Variants in TTPA observed in about 807,000 individuals in gnomAD.
The protein encoded by TTPA is alpha-tocopherol transfer protein.
A neutral mutation model predicts 25.9 loss-of-function variants in TTPA; 23 were observed. That is an observed-to-expected ratio of 0.89 (90% CI 0.64 to 1.26). The LOEUF (loss-of-function observed/expected upper bound fraction) is 1.26. Ranked by LOEUF, TTPA falls within the 50% of genes most tolerant of loss-of-function variation. TTPA has a pLI of 0.00. For missense variants in TTPA, 337 were observed against 353.1 expected (o/e 0.95, Z 0.37); for synonymous variants, 148 against 137.3 (o/e 1.08, Z -0.54).
intron 1 of TTPA, among the ~76,000 whole-genome samples, chr8:63,081,618 C>A (rs1315990170): frequency 6.6e-6 from 1 of 152,158 alleles, no homozygotes; most frequent in Non-Finnish European, 1.5e-5. Context: ...TCCCATTCAA[C>A]ATAGTGTTGG....
chr8:63,063,423 T>C (rs991009384), intron 4 of TTPA, among the ~76,000 whole-genome samples: 3 of 152,176 alleles, frequency 2.0e-5, no homozygotes, highest in African/African-American at 7.2e-5. Context: ...TTAAGTCATA[T>C]ACCTCAGTTA....
At position 63,060,219 on chromosome 8, in the gene TTPA, C is replaced by T. The variant is rs532169711; in HGVS notation, c.*1033G>A. 127 of 152,274 alleles carry T rather than the reference C, an allele frequency of 8.3e-4. 1 individual carries two copies. Among genetic ancestry groups the T allele is most frequent in the African/African-American group, 3.0e-3 (124 of 41,552 alleles). 9.4% of individuals were successfully genotyped at this position (152,274 alleles called of 1,614,324 possible). ...CAAGTAAGTATGATTCCATCCCTTT[C>T]CGTGTAGTCATAAGAATGACCATAA... On this transcript the variant is annotated 3_prime_UTR_variant, in exon 5 of 5. Coordinates refer to ENST00000260116, the MANE Select transcript of TTPA (RefSeq NM_000370.3).
intron 1 of TTPA, 96 bp downstream of exon 1, chr8:63,085,722 C>G: frequency 1.4e-6 from 2 of 1,450,988 alleles, no homozygotes; most frequent in Non-Finnish European, 1.8e-6. Context: ...TGCCTGCACC[C>G]TGGGCTTCGG....
At chr8:63,070,963 T>C (rs1005499869) in intron 2 of TTPA, among the ~76,000 whole-genome samples, 1 of 147,010 alleles carries the variant, frequency 6.8e-6, no homozygotes, top group Non-Finnish European at 1.5e-5. Context: ...CCATACATAC[T>C]TTAAAAAAAC....
chr8:63,059,034 T>G (rs1275474462), downstream of TTPA, among the ~76,000 whole-genome samples: 6 of 125,438 alleles, frequency 4.8e-5, no homozygotes, highest in African/African-American at 1.6e-4. Context: ...TTTTTTTTTT[T>G]TTTTTTTTTT....
chr8:63,076,062 G>T (rs1805558117), intron 1 of TTPA, among the ~76,000 whole-genome samples: 1 of 152,192 alleles, frequency 6.6e-6, no homozygotes, highest in African/African-American at 2.4e-5. Context: ...CAGTGTATTT[G>T]ACAGCGCAGG....
At chr8:63,066,317 C>T (rs560633285) in intron 2 of TTPA, among the ~76,000 whole-genome samples, 8 of 152,116 alleles carry the variant, frequency 5.3e-5, no homozygotes, top group South Asian at 4.1e-4. Context: ...AAGAGTATTG[C>T]GGAAAAAGGA....
Position 63,060,249 on chromosome 8 carries a change from A to C in TTPA, c.*1003T>G, listed in dbSNP as rs1397348153. The C allele has an allele frequency of 6.6e-6, 1 of 152,176 alleles. No homozygotes were observed. Among genetic ancestry groups the C allele is most frequent in the Non-Finnish European group, 1.5e-5 (1 of 68,032 alleles). The allele number at this position is 152,176 out of a possible 1,614,324, so 9.4% of individuals were successfully genotyped here. On this transcript the variant is annotated 3_prime_UTR_variant, in exon 5 of 5. Transcript: ENST00000260116. ...TAGTCATAAGAATGACCATAAGCAA[A>C]AGTTAAAATTACATTCTTGATTTGT... is the stretch of plus-strand genomic sequence containing the variant.
chr8:63,073,143 A>G, intron 1 of TTPA, 55 bp from the exon 2 acceptor site: 2 of 1,422,746 alleles, frequency 1.4e-6, no homozygotes, highest in East Asian at 2.4e-5. Context: ...ATGATTTTGT[A>G]AAAATGGAAG....
Position 63,086,027 on chromosome 8 carries a change from C to G in TTPA, c.-6G>C. On this transcript the variant is annotated 5_prime_UTR_variant, in exon 1 of 5. Coordinates refer to ENST00000260116, the MANE Select transcript of TTPA (RefSeq NM_000370.3). ...TGGGATCGCGCCTCTGCCATGCCCG[C>G]CGCCGCTGCTGCGGCCGCAGCTACC... The G allele has an allele frequency of 1.4e-6, 2 of 1,418,442 alleles. No homozygotes were observed. Among genetic ancestry groups the G allele is most frequent in the Non-Finnish European group, 1.8e-6 (2 of 1,087,484 alleles). 87.9% of individuals were successfully genotyped at this position (1,418,442 alleles called of 1,614,324 possible). A position where few individuals can be genotyped will look rare whatever the true frequency, so the allele number is the denominator to read the frequency against.
chr8:63,064,364 C>T, intron 3 of TTPA, 48 bp from the exon 4 acceptor site: 2 of 1,283,290 alleles, frequency 1.6e-6, no homozygotes, highest in Non-Finnish European at 2.2e-6. Flanking sequence ...ATATTACAAT[C>T]TGATACCTAA....
At chr8:63,066,127 G>T in intron 2 of TTPA, 30 bp from the exon 3 acceptor site, 7 of 1,594,948 alleles carry the variant, frequency 4.4e-6, no homozygotes, top group Non-Finnish European at 6.0e-6. Flanking sequence ...TCATATCTTA[G>T]CATTGTGTAA....
intron 1 of TTPA, among the ~76,000 whole-genome samples, chr8:63,078,582 G>A (rs1585694284): frequency 6.6e-6 from 1 of 152,254 alleles, no homozygotes; most frequent in East Asian, 1.9e-4. Flanking sequence ...GGAAAGAAGG[G>A]TATCAGTGAT....
At chr8:63,059,121 T>A (rs1805254821), downstream of TTPA, among the ~76,000 whole-genome samples, 1 of 125,186 alleles carries the variant, frequency 8.0e-6, no homozygotes, top group Non-Finnish European at 1.6e-5. Context: ...AAGCTCCGCC[T>A]CCCGGGTTCA....
intron 1 of TTPA, among the ~76,000 whole-genome samples, chr8:63,082,596 A>T (rs1055700352): frequency 2.6e-5 from 4 of 152,202 alleles, no homozygotes; most frequent in African/African-American, 7.2e-5. Context: ...GGACTTCATG[A>T]CTAAAACACC....
At position 63,065,968 on chromosome 8, in the gene TTPA, C is replaced by A. The variant is rs866773722; in HGVS notation, c.488G>T (p.Trp163Leu). The part of the protein sequence containing the change: ...GIKAIFDLEG[W>L]QFSHAFQITP... The stretch of plus-strand genomic sequence containing the variant: ...GATTTGAAAAGCATGAGAAAACTGC[C>A]AACCTTCCAGATCAAAGATAGCCTT... Residue 163 changes from tryptophan (W) to leucine (L), a missense_variant, in exon 3 of 5, where the codon TGG (tryptophan) becomes TTG (leucine). Transcript: ENST00000260116. 2 of 1,614,032 alleles carry A rather than the reference C, an allele frequency of 1.2e-6. No individual in the cohort carries two copies. The highest frequency in any genetic ancestry group is 1.7e-6 in the Non-Finnish European group (2 of 1,180,000).
chr8:63,071,723 G>A (rs1805486587), intron 2 of TTPA, among the ~76,000 whole-genome samples: 1 of 152,142 alleles, frequency 6.6e-6, no homozygotes, highest in Non-Finnish European at 1.5e-5. Context: ...GCCCTTATGA[G>A]TTCCAAGAGA....
chr8:63,080,629 G>A (rs1213365729), intron 1 of TTPA, among the ~76,000 whole-genome samples: 2 of 151,414 alleles, frequency 1.3e-5, no homozygotes, highest in Non-Finnish European at 2.9e-5. Flanking sequence ...GCTGAGGTGG[G>A]AGAATGGCGT....
At chr8:63,072,897 A>G (rs1365624211) in intron 2 of TTPA, 38 bp downstream of exon 2, 1 of 1,611,704 alleles carries the variant, frequency 6.2e-7, no homozygotes, top group Non-Finnish European at 8.5e-7. Context: ...ACTGAACTGG[A>G]GGAGAGGAGA....
Sources: gnomAD v4.1 joint callset for allele counts (sites outside exome capture counted in the v4.1 genomes callset) on GRCh38, gnomAD v4.1.1 for gene constraint, MANE v1.5 for transcripts, NCBI Gene and HGNC (gene_info 2026-07-23, HGNC 2026-07-21) for gene names.